PLCH1: variants seen among roughly 807,000 people sequenced by gnomAD.
PLCH1 encodes the protein phospholipase C eta 1.
A neutral mutation model predicts 126.7 loss-of-function variants in PLCH1; 60 were observed. The ratio of observed to expected loss-of-function variants is 0.47; its 90% confidence interval spans 0.38 to 0.59. The LOEUF (loss-of-function observed/expected upper bound fraction) is 0.59, where lower values mean the gene tolerates loss of function less well. PLCH1 is among the 20% of genes least tolerant of loss of function. The probability of loss-of-function intolerance (pLI) is 0.00; values close to 1 mark genes in which losing one functional copy is unlikely to be tolerated. For synonymous variants in PLCH1, 719 were observed against 734.9 expected (o/e 0.98, Z 0.35); for missense variants, 1,723 against 2,040.0 (o/e 0.84, Z 2.99).
In PLCH1 at chr3:155,624,405, A is replaced by T. The variant is rs188825133; in HGVS notation, c.80-28027T>A. Reference sequence around the variant, plus strand: ...AGTATTGGAAGTTCTGGCCAGGGCAATCAGGCAGGAGAAAGAAATAAAGGG... The same window carrying T: ...AGTATTGGAAGTTCTGGCCAGGGCATTCAGGCAGGAGAAAGAAATAAAGGG... On this transcript the variant is annotated intron_variant, in intron 2 of 22. Transcript: ENST00000460012. Among the ~76,000 whole-genome samples, 288 of 152,326 alleles carry T rather than the reference A, an allele frequency of 1.9e-3. 5 individuals carry two copies. The highest frequency in any genetic ancestry group is 2.4e-3 in the Non-Finnish European group (164 of 68,030).
chr3:155,555,143 C>G (rs1291398593), intron 8 of PLCH1, among the ~76,000 whole-genome samples: 1 of 152,224 alleles, frequency 6.6e-6, no homozygotes, highest in Non-Finnish European at 1.5e-5. Flanking sequence ...TAAATATATG[C>G]TAAATGGATT....
chr3:155,522,353 T>G (rs906669589), intron 11 of PLCH1, among the ~76,000 whole-genome samples: 1 of 152,244 alleles, frequency 6.6e-6, no homozygotes, highest in Non-Finnish European at 1.5e-5. Flanking sequence ...TTTTCAATCA[T>G]GTAACTCTAT....
chr3:155,552,137 G>A (rs1011787495), intron 9 of PLCH1, among the ~76,000 whole-genome samples: 2 of 152,138 alleles, frequency 1.3e-5, no homozygotes, highest in African/African-American at 4.8e-5. Context: ...TTAATGAGAA[G>A]ACCAAATATT....
At chr3:155,565,190 AGGGGTC>A in intron 7 of PLCH1, 72 bp from the exon 8 acceptor site, 2 of 949,508 alleles carry the variant, frequency 2.1e-6, no homozygotes, top group Non-Finnish European at 3.3e-6. Flanking sequence ...GAGGGGCAAA[AGGGGTC>A]AAAAAATGTT....
intron 2 of PLCH1, among the ~76,000 whole-genome samples, chr3:155,658,887 T>C (rs1741757654): frequency 6.6e-6 from 1 of 152,234 alleles, no homozygotes; most frequent in Admixed American, 6.5e-5. Context: ...CACAGTTCAA[T>C]ATTACAGCTT....
At position 155,480,124 on chromosome 3, in the gene PLCH1, G is replaced by T. The variant is rs1363266796; in HGVS notation, c.*844C>A. 2 of 152,544 alleles carry T rather than the reference G, an allele frequency of 1.3e-5. No homozygotes were observed. The highest frequency in any genetic ancestry group is 2.9e-5 in the Non-Finnish European group (2 of 68,028). The allele number at this position is 152,544 out of a possible 1,614,324, so 9.4% of individuals were successfully genotyped here. Reference sequence around the variant, plus strand: ...GAGAAAATATTCTGTGAAAGCTTTGGGGAAGTTTTCAATTTGTGCTACTAT... The same window carrying T: ...GAGAAAATATTCTGTGAAAGCTTTGTGGAAGTTTTCAATTTGTGCTACTAT... On this transcript the variant is annotated 3_prime_UTR_variant, in exon 23 of 23. Coordinates refer to ENST00000460012, the MANE Select transcript of PLCH1 (RefSeq NM_014996.4).
downstream of PLCH1, among the ~76,000 whole-genome samples, chr3:155,476,528 T>C (rs961642712): frequency 3.9e-5 from 6 of 152,128 alleles, no homozygotes; most frequent in African/African-American, 1.4e-4. Flanking sequence ...GATGATATGA[T>C]CTTATATTTA....
intron 5 of PLCH1, among the ~76,000 whole-genome samples, 162 bp downstream of exon 5, chr3:155,585,903 C>T (rs1405722262): frequency 6.6e-6 from 1 of 152,158 alleles, no homozygotes; most frequent in Non-Finnish European, 1.5e-5. Context: ...TTTATAAAGT[C>T]TTTTTACTTG....
chr3:155,460,190 C>T (rs1229009031), intron 21 of PLCH1, among the ~76,000 whole-genome samples: 1 of 152,174 alleles, frequency 6.6e-6, no homozygotes, highest in Non-Finnish European at 1.5e-5. Flanking sequence ...TCTAAGTCAG[C>T]TCACAGATCT....
intron 2 of PLCH1, among the ~76,000 whole-genome samples, chr3:155,628,062 C>T (rs760990460): frequency 2.0e-5 from 3 of 151,952 alleles, no homozygotes; most frequent in African/African-American, 4.8e-5. Context: ...CCACCACTCC[C>T]GGGCTTAAGA....
At chr3:155,565,661 T>G (rs1455618992) in intron 7 of PLCH1, among the ~76,000 whole-genome samples, 2 of 151,418 alleles carry the variant, frequency 1.3e-5, no homozygotes, top group Admixed American at 1.3e-4. Flanking sequence ...GCCTCGGGTA[T>G]TTCTTTCTTT....
At chr3:155,570,159 A>T (rs1348466556) in intron 6 of PLCH1, among the ~76,000 whole-genome samples, 1 of 151,842 alleles carries the variant, frequency 6.6e-6, no homozygotes, top group East Asian at 1.9e-4. Flanking sequence ...GAGTCAATCG[A>T]CTCCCAACCT....
chr3:155,609,548 T>C (rs914482430), intron 2 of PLCH1, among the ~76,000 whole-genome samples: 13 of 152,244 alleles, frequency 8.5e-5, no homozygotes, highest in Non-Finnish European at 1.5e-4. Flanking sequence ...AGAACAAATC[T>C]GTGAATTGCC....
intron 21 of PLCH1, among the ~76,000 whole-genome samples, chr3:155,454,461 T>A (rs1042403430): frequency 6.6e-6 from 1 of 151,690 alleles, no homozygotes; most frequent in African/African-American, 2.4e-5. Flanking sequence ...CCAACCTGAG[T>A]GACAGAACAA....
intron 1 of PLCH1, among the ~76,000 whole-genome samples, chr3:155,719,204 A>G (rs1201506301): frequency 1.3e-5 from 2 of 152,118 alleles, no homozygotes; most frequent in East Asian, 3.9e-4. Context: ...AGTCCATAGT[A>G]TCATTCTTAT....
intron 2 of PLCH1, among the ~76,000 whole-genome samples, chr3:155,629,280 T>A (rs11917394): frequency 0.017 from 2,662 of 152,300 alleles, 78 homozygotes; most frequent in African/African-American, 0.061. Flanking sequence ...ACAATAAAAC[T>A]GCTTCCAAAT....
intron 1 of PLCH1, among the ~76,000 whole-genome samples, chr3:155,711,251 C>T (rs1747108042): frequency 6.6e-6 from 1 of 152,072 alleles, no homozygotes; most frequent in African/African-American, 2.4e-5. Flanking sequence ...TGCTCCTAAG[C>T]TCATTTTATA....
chr3:155,452,122 G>T (rs1436254967), intron 21 of PLCH1, among the ~76,000 whole-genome samples: 2 of 152,264 alleles, frequency 1.3e-5, no homozygotes, highest in East Asian at 3.9e-4. Context: ...AGAAAAAGAG[G>T]TTTAATCGGA....
chr3:155,509,097 C>T lies in PLCH1; in HGVS notation c.1633-4471G>A, dbSNP rs1411523903. On this transcript the variant is annotated intron_variant, in intron 12 of 22. Transcript: ENST00000460012. ...TTTAGTCTTGGGAGAGTGTATGTGT[C>T]GAGGAATGTATCCATTTCTTCTAGA... 1.0e-4 allele frequency among the ~76,000 whole-genome samples: 14 copies of T among 140,188 alleles called. 1 individual carries two copies. The highest frequency in any genetic ancestry group is 2.3e-4 in the South Asian group (1 of 4,436). The allele number at this position is 140,188 out of a possible 152,430, so 92.0% of individuals were successfully genotyped here.
Sources: allele counts gnomAD v4.1 joint callset (sites outside exome capture counted in the v4.1 genomes callset), GRCh38; gene constraint gnomAD v4.1.1; transcripts MANE v1.5; gene names NCBI Gene and HGNC (gene_info 2026-07-23, HGNC 2026-07-21).